Variants in SDK1 observed in about 807,000 individuals in gnomAD.
SDK1 encodes the protein protein sidekick-1.
In SDK1, 157 loss-of-function variants were observed where a neutral mutation model predicts 245.5. The ratio of observed to expected loss-of-function variants is 0.64; its 90% CI spans 0.56 to 0.73. The LOEUF (loss-of-function observed/expected upper bound fraction) is 0.73, where lower values mean the gene tolerates loss of function less well. Among genes scored for constraint, SDK1 ranks in the 30% least tolerant of loss-of-function variants. The probability of loss-of-function intolerance (pLI) is 0.00; values close to 1 mark genes in which losing one functional copy is unlikely to be tolerated. For missense variants in SDK1, 3,583 were observed against 3,002.3 expected, an observed-to-expected ratio of 1.19 and a Z score of -4.52; for synonymous variants, 1,647 against 1,278.5, an observed-to-expected ratio of 1.29 and a Z score of -6.15.
chr7:3,982,033 C>T (rs1783443974), intron 13 of SDK1, among the ~76,000 whole-genome samples: 1 of 152,186 alleles, frequency 6.6e-6, no homozygotes, highest in Non-Finnish European at 1.5e-5. Context: ...GGTTTCAAAG[C>T]TTCAAAGGGC....
intron 13 of SDK1, among the ~76,000 whole-genome samples, chr7:3,984,390 G>T (rs1783655957): frequency 6.6e-6 from 1 of 152,176 alleles, no homozygotes; most frequent in Non-Finnish European, 1.5e-5. Flanking sequence ...GCTAAGAGAA[G>T]CGTGATTTGA....
intron 5 of SDK1, among the ~76,000 whole-genome samples, chr7:3,865,501 C>T (rs1432798751): frequency 6.6e-6 from 1 of 151,992 alleles, no homozygotes; most frequent in Non-Finnish European, 1.5e-5. Context: ...TCCCTGAGTT[C>T]TTTTATTTTG....
chr7:3,920,753 G>GT (rs1183918872), intron 5 of SDK1, among the ~76,000 whole-genome samples: 3 of 149,020 alleles, frequency 2.0e-5, no homozygotes, highest in African/African-American at 7.8e-5. Flanking sequence ...AGACTATGCA[G>GT]AGGGGGAGCA....
At chr7:3,691,131 C>A (rs1784427541) in intron 4 of SDK1, among the ~76,000 whole-genome samples, 1 of 152,218 alleles carries the variant, frequency 6.6e-6, no homozygotes, top group Admixed American at 6.5e-5. Flanking sequence ...TAGATAATTA[C>A]ACCAATGTTT....
At chr7:3,550,164 CA>C (rs1399646019) in intron 1 of SDK1, among the ~76,000 whole-genome samples, 5 of 152,046 alleles carry the variant, frequency 3.3e-5, no homozygotes, top group Non-Finnish European at 7.4e-5. Context: ...ATGCATATCT[CA>C]AATTTACATA....
intron 1 of SDK1, among the ~76,000 whole-genome samples, chr7:3,372,754 G>A (rs573405463): frequency 6.6e-6 from 1 of 152,292 alleles, no homozygotes; most frequent in Non-Finnish European, 1.5e-5. Context: ...GCCAGCCCAG[G>A]AAGAGAGCAC....
chr7:4,160,925 GGGT>G (rs1291026746), intron 31 of SDK1, among the ~76,000 whole-genome samples: 1 of 152,194 alleles, frequency 6.6e-6, no homozygotes, highest in Non-Finnish European at 1.5e-5. Flanking sequence ...ACCCAATCTT[GGGT>G]TCTAAGTGGA....
At chr7:3,721,659 G>A (rs1778809460) in intron 4 of SDK1, among the ~76,000 whole-genome samples, 1 of 152,132 alleles carries the variant, frequency 6.6e-6, no homozygotes, top group African/African-American at 2.4e-5. Flanking sequence ...AAGGAGGGTA[G>A]GATGAGATCA....
intron 5 of SDK1, 45 bp downstream of exon 5, chr7:3,821,628 C>T (rs369867651): frequency 4.4e-6 from 7 of 1,601,340 alleles, no homozygotes; most frequent in African/African-American, 1.3e-5. Context: ...GCAATAAAAT[C>T]TTGCTTTAAT....
chr7:3,427,896 A>C (rs143089573), intron 1 of SDK1, among the ~76,000 whole-genome samples: 1,464 of 121,094 alleles, frequency 0.012, 38 homozygotes, highest in African/African-American at 0.06. Flanking sequence ...AGTGTCTCTT[A>C]GATGTCGTTA....
chr7:3,303,158 G>A (rs2128540521), intron 1 of SDK1, among the ~76,000 whole-genome samples: 1 of 152,128 alleles, frequency 6.6e-6, no homozygotes, highest in Admixed American at 6.5e-5. Context: ...CCATTACTTG[G>A]AAAATTTTCA....
intron 4 of SDK1, among the ~76,000 whole-genome samples, chr7:3,739,668 C>T (rs933393262): frequency 1.3e-5 from 2 of 152,078 alleles, no homozygotes; most frequent in African/African-American, 4.8e-5. Context: ...ACGTAGTTCT[C>T]ATACTTTAAT....
chr7:3,727,278 T>C (rs1180912533), intron 4 of SDK1, among the ~76,000 whole-genome samples: 1 of 152,212 alleles, frequency 6.6e-6, no homozygotes, highest in Non-Finnish European at 1.5e-5. Context: ...TAATCAGAGT[T>C]CTGTTTGTTT....
intron 1 of SDK1, among the ~76,000 whole-genome samples, chr7:3,394,845 T>C (rs1358639301): frequency 6.6e-6 from 1 of 152,124 alleles, no homozygotes; most frequent in African/African-American, 2.4e-5. Context: ...ATATTGATCT[T>C]GTATTATATC....
intron 4 of SDK1, among the ~76,000 whole-genome samples, chr7:3,650,489 G>GT (rs1301030825): frequency 4.6e-5 from 7 of 152,256 alleles, no homozygotes; most frequent in African/African-American, 1.7e-4. Context: ...ATTAAACGTA[G>GT]TATCTGAGAT....
chr7:3,895,767 T>G (rs1001724390), intron 5 of SDK1, among the ~76,000 whole-genome samples: 6 of 152,206 alleles, frequency 3.9e-5, no homozygotes, highest in Non-Finnish European at 5.9e-5. Flanking sequence ...CATCTCCCCA[T>G]TTTTATGTTG....
At chr7:3,461,322 C>G (rs1780825313) in intron 1 of SDK1, among the ~76,000 whole-genome samples, 1 of 152,138 alleles carries the variant, frequency 6.6e-6, no homozygotes, top group Non-Finnish European at 1.5e-5. Context: ...CCCATAAATT[C>G]TTTGTCTGTT....
rs186269860 is a variant in SDK1, at chr7:3,576,927, C to T, written c.299-42153C>T. On this transcript the variant is annotated intron_variant, in intron 1 of 44. Coordinates refer to ENST00000404826, the MANE Select transcript of SDK1 (RefSeq NM_152744.4). ...GCAGTTTAGTTTCCTCATAGCTGGT[C>T]GGGCACCTGAAGAAATAGTAGACTT... is the stretch of plus-strand genomic sequence containing the variant. Among the ~76,000 whole-genome samples, 14 of 152,116 alleles carry T rather than the reference C, an allele frequency of 9.2e-5. No homozygotes were observed. In the South Asian group the frequency reaches 1.5e-3, roughly 16 times the overall value.
rs368565055 is a variant in SDK1 at position 3,803,347 on chromosome 7, A to G, written c.714-18103A>G. 3.3e-4 allele frequency among the ~76,000 whole-genome samples: 48 copies of G among 145,378 alleles called. 1 individual carries two copies. The East Asian group carries it at 3.4e-3, about 10-fold the overall frequency. ...TTTTTTGGAAACAAAGTCTTACTCTATCACCTAGGCTGGAGTGCAGTGGTG... is the reference window on the plus strand; with the variant it reads ...TTTTTTGGAAACAAAGTCTTACTCTGTCACCTAGGCTGGAGTGCAGTGGTG... On this transcript the variant is annotated intron_variant, in intron 4 of 44. Transcript: ENST00000404826.
Sources: allele counts gnomAD v4.1 joint callset (sites outside exome capture counted in the v4.1 genomes callset), GRCh38; gene constraint gnomAD v4.1.1; transcripts MANE v1.5; gene names NCBI Gene and HGNC (gene_info 2026-07-23, HGNC 2026-07-21).